The following NALF1 variants were observed in gnomAD, a reference collection of about 807,000 sequenced individuals.
The protein encoded by NALF1 is NALCN channel auxiliary factor 1, also known as family with sequence similarity 155 member A.
In NALF1, 3 loss-of-function variants were observed where a neutral mutation model predicts 48.4. The observed-to-expected ratio is 0.06, with a 90% CI of 0.03 to 0.16. The LOEUF is 0.16. Among genes scored for constraint, NALF1 ranks in the 10% least tolerant of loss-of-function variants. NALF1 has a pLI of 1.00. For missense variants in NALF1, 526 were observed against 571.5 expected (o/e 0.92, Z 0.81); for synonymous variants, 262 against 245.7 (o/e 1.07, Z -0.62).
chr13:107,555,439 A>ATTTTTTTTTTTTTTTTT (rs34486058), intron 1 of NALF1, among the ~76,000 whole-genome samples: 1 of 69,958 alleles, frequency 1.4e-5, no homozygotes, highest in African/African-American at 5.5e-5. Context: ...AGCCTGGCTA[A>ATTTTTTTTTTTTTTTTT]TTTTTTTTTT....
chr13:107,778,529 G>T (rs1462330271), intron 1 of NALF1, among the ~76,000 whole-genome samples: 6 of 152,320 alleles, frequency 3.9e-5, no homozygotes, highest in Non-Finnish European at 7.4e-5. Context: ...CAGAACTAAA[G>T]TCAATGGCTG....
chr13:107,330,791 GT>G (rs1201664133), intron 1 of NALF1, among the ~76,000 whole-genome samples: 3 of 152,168 alleles, frequency 2.0e-5, no homozygotes, highest in Non-Finnish European at 4.4e-5. Flanking sequence ...TTCAAACCCT[GT>G]CATGAGGAAC....
chr13:107,710,828 T>G (rs201150211), intron 1 of NALF1, among the ~76,000 whole-genome samples: 1 of 44,712 alleles, frequency 2.2e-5, no homozygotes, highest in African/African-American at 5.4e-5. Context: ...TATATACACA[T>G]ACAGAGACAC....
At chr13:107,466,929 C>G (rs148912669) in intron 1 of NALF1, among the ~76,000 whole-genome samples, 2 of 152,022 alleles carry the variant, frequency 1.3e-5, no homozygotes, top group African/African-American at 4.8e-5. Flanking sequence ...GTGTGGAAAA[C>G]GGCTTCTTGC....
chr13:107,415,907 T>C (rs538860966), intron 1 of NALF1, among the ~76,000 whole-genome samples: 1 of 152,350 alleles, frequency 6.6e-6, no homozygotes, highest in African/African-American at 2.4e-5. Flanking sequence ...TGTAAGACCT[T>C]CTGCTCGATG....
At chr13:107,595,018 C>A in intron 1 of NALF1, among the ~76,000 whole-genome samples, 1 of 151,902 alleles carries the variant, frequency 6.6e-6, no homozygotes. Context: ...TTTAAATATC[C>A]CAATAATTAA....
chr13:107,847,469 A>T (rs1455336388), intron 1 of NALF1, among the ~76,000 whole-genome samples: 2 of 152,232 alleles, frequency 1.3e-5, no homozygotes, highest in African/African-American at 4.8e-5. Flanking sequence ...TCTAACAAAC[A>T]GAATACAGCA....
At chr13:107,271,801 TA>T (rs1566470717) in intron 1 of NALF1, among the ~76,000 whole-genome samples, 1,672 of 102,230 alleles carry the variant, frequency 0.016, 47 homozygotes, top group Admixed American at 0.041. Context: ...TATATATATA[TA>T]TATATATATA....
intron 1 of NALF1, among the ~76,000 whole-genome samples, chr13:107,460,034 G>A (rs533565023): frequency 1.3e-5 from 2 of 152,270 alleles, no homozygotes; most frequent in East Asian, 1.9e-4. Context: ...GAGCCACCTC[G>A]CCTGGCCCTT....
intron 1 of NALF1, among the ~76,000 whole-genome samples, chr13:107,576,110 T>C (rs182576621): frequency 6.6e-6 from 1 of 152,152 alleles, no homozygotes; most frequent in Non-Finnish European, 1.5e-5. Context: ...AGTGACAGGA[T>C]CAAACCTCAT....
chr13:107,584,862 T>C (rs1426579239), intron 1 of NALF1, among the ~76,000 whole-genome samples: 1 of 152,188 alleles, frequency 6.6e-6, no homozygotes, highest in Non-Finnish European at 1.5e-5. Flanking sequence ...CCTGCTTCTT[T>C]CACTGCCTGG....
At chr13:107,575,684 G>C (rs955204197) in intron 1 of NALF1, among the ~76,000 whole-genome samples, 1 of 152,214 alleles carries the variant, frequency 6.6e-6, no homozygotes, top group East Asian at 1.9e-4. Flanking sequence ...TTTTGTTAAA[G>C]ATGGACTCCT....
chr13:107,599,187 G>A (rs1475132991), intron 1 of NALF1, among the ~76,000 whole-genome samples: 3 of 152,090 alleles, frequency 2.0e-5, no homozygotes, highest in East Asian at 1.9e-4. Context: ...TTGGGAGGCC[G>A]AGGCGGGCAG....
intron 1 of NALF1, among the ~76,000 whole-genome samples, chr13:107,808,669 TAAAAA>T (rs78364102): frequency 2.7e-5 from 4 of 147,578 alleles, no homozygotes; most frequent in African/African-American, 9.8e-5. Context: ...TATACAGATT[TAAAAA>T]AAAAAAAAAA....
intron 1 of NALF1, among the ~76,000 whole-genome samples, chr13:107,346,252 T>C (rs1045877284): frequency 6.6e-6 from 1 of 152,150 alleles, no homozygotes; most frequent in Non-Finnish European, 1.5e-5. Flanking sequence ...AACTCCCATA[T>C]GATCCAGCAA....
chr13:107,275,931 A>T (rs749502432), intron 1 of NALF1, among the ~76,000 whole-genome samples: 41 of 152,084 alleles, frequency 2.7e-4, no homozygotes, highest in Non-Finnish European at 5.3e-4. Flanking sequence ...GGCTTCTCAT[A>T]GGACGTTGAG....
intron 1 of NALF1, among the ~76,000 whole-genome samples, chr13:107,406,026 A>C (rs1182335558): frequency 6.6e-6 from 1 of 152,028 alleles, no homozygotes; most frequent in Non-Finnish European, 1.5e-5. Context: ...CGTGGTGCCT[A>C]TCTCTCAGAC....
chr13:107,861,541 T>C (rs1880567923), intron 1 of NALF1, among the ~76,000 whole-genome samples: 1 of 152,300 alleles, frequency 6.6e-6, no homozygotes, highest in Middle Eastern at 3.4e-3. Context: ...TCCCAGCACT[T>C]TGGGAGGCCA....
rs879521589 is a variant in NALF1 at position 107,164,390 on chromosome 13, AT to A, written c.*6106del. Reference sequence around the variant, plus strand: ...AATTATAGTGTTAATTAAAATATATATTAATTCAGTTTAATTAATTTTCATA... The same window carrying A: ...AATTATAGTGTTAATTAAAATATATATAATTCAGTTTAATTAATTTTCATA... On this transcript the variant is annotated 3_prime_UTR_variant, in exon 3 of 3. Transcript: ENST00000375915. The A allele has an allele frequency of 1.3e-5, 2 of 152,114 alleles. No homozygotes were observed. Among genetic ancestry groups the A allele is most frequent in the Admixed American group, 6.6e-5 (1 of 15,264 alleles). The allele number at this position is 152,114 out of a possible 1,614,324, so 9.4% of individuals were successfully genotyped here.
Sources: gnomAD v4.1 joint callset for allele counts (sites outside exome capture counted in the v4.1 genomes callset) on GRCh38, gnomAD v4.1.1 for gene constraint, MANE v1.5 for transcripts, NCBI Gene and HGNC (gene_info 2026-07-23, HGNC 2026-07-21) for gene names.